Variants in SHLD1 observed in about 807,000 individuals in gnomAD.
SHLD1 encodes RINN1-REV7-interacting novel NHEJ regulator 3.
In SHLD1, 3 loss-of-function variants were observed where a neutral mutation model predicts 5.5. The observed-to-expected ratio is 0.54, with a 90% CI of 0.25 to 1.40. SHLD1 has a LOEUF of 1.40. SHLD1 is among the 40% of genes most tolerant of loss of function. SHLD1 has a pLI of 0.15. For missense variants in SHLD1, 210 were observed against 244.4 expected (o/e 0.86, Z 0.94); for synonymous variants, 92 against 94.3 (o/e 0.98, Z 0.14).
intron 2 of SHLD1, among the ~76,000 whole-genome samples, chr20:5,811,912 C>T (rs183979213): frequency 1.3e-5 from 2 of 151,956 alleles, no homozygotes; most frequent in Admixed American, 1.3e-4. Context: ...CCACCACTGC[C>T]GGCTGTATAA....
intron 2 of SHLD1, among the ~76,000 whole-genome samples, chr20:5,820,761 A>T (rs1304579512): frequency 6.6e-6 from 1 of 152,228 alleles, no homozygotes; most frequent in Admixed American, 6.5e-5. Flanking sequence ...GTCTCCTTTG[A>T]TCTTTTCTCC....
At chr20:5,797,498 G>A (rs2087230181) in intron 2 of SHLD1, among the ~76,000 whole-genome samples, 1 of 152,100 alleles carries the variant, frequency 6.6e-6, no homozygotes, top group Non-Finnish European at 1.5e-5. Context: ...GGAGGTCAAG[G>A]CTGCAAGTGA....
intron 2 of SHLD1, among the ~76,000 whole-genome samples, chr20:5,804,109 G>C (rs2122348863): frequency 6.6e-6 from 1 of 151,512 alleles, no homozygotes; most frequent in African/African-American, 2.4e-5. Flanking sequence ...CCAGGAGTTT[G>C]AGACCAGCCT....
chr20:5,824,219 TG>T (rs751203860), intron 2 of SHLD1, among the ~76,000 whole-genome samples: 4 of 152,224 alleles, frequency 2.6e-5, no homozygotes, highest in African/African-American at 4.8e-5. Context: ...TTGCACTTGC[TG>T]GTCCCTTAGT....
intron 2 of SHLD1, among the ~76,000 whole-genome samples, chr20:5,860,915 G>A (rs1030483626): frequency 1.4e-5 from 2 of 138,912 alleles, no homozygotes; most frequent in Non-Finnish European, 3.1e-5. Flanking sequence ...AAAAAAAGAC[G>A]GGCCTGGGAC....
chr20:5,844,792 TA>T (rs1344195213), intron 2 of SHLD1, among the ~76,000 whole-genome samples: 2,770 of 105,964 alleles, frequency 0.026, 136 homozygotes, highest in African/African-American at 0.12. Flanking sequence ...TATATATATA[TA>T]TATATATTTT....
chr20:5,858,349 C>T (rs1040579144), intron 2 of SHLD1, among the ~76,000 whole-genome samples: 6 of 152,176 alleles, frequency 3.9e-5, no homozygotes, highest in East Asian at 1.9e-4. Flanking sequence ...CATTTATGAA[C>T]CACAGAAATA....
intron 2 of SHLD1, among the ~76,000 whole-genome samples, chr20:5,784,726 A>T (rs2087036905): frequency 6.6e-6 from 1 of 152,234 alleles, no homozygotes; most frequent in South Asian, 2.1e-4. Flanking sequence ...CTGGGATTAC[A>T]GGCGTGAGCC....
rs187933128 is a variant in SHLD1, at chr20:5,795,747, C to T, written c.178+22704C>T. 9.9e-3 allele frequency among the ~76,000 whole-genome samples: 1,499 copies of T among 151,732 alleles called. 22 individuals are homozygous for T. The highest frequency in any genetic ancestry group is 0.034 in the African/African-American group (1,412 of 41,364). ...CTGTAATCCCAGCACTTTGGGAGGC[C>T]GAGGCAGGTGGATCACGAGGTCAGG... is the stretch of plus-strand genomic sequence containing the variant. On this transcript the variant is annotated intron_variant, in intron 2 of 2. Coordinates refer to ENST00000303142, the MANE Select transcript of SHLD1 (RefSeq NM_152504.4).
rs140358264 is a variant in SHLD1 at position 5,802,120 on chromosome 20, T to G, written c.178+29077T>G. ...AAGTTAGAGTCCTGTGAGGGCCTTT[T>G]AAGGAATTTCTCCTGCCCAGGAAGC... On this transcript the variant is annotated intron_variant, in intron 2 of 2. Coordinates refer to ENST00000303142, the MANE Select transcript of SHLD1 (RefSeq NM_152504.4). Among the ~76,000 whole-genome samples the G allele has an allele frequency of 4.0e-3, 610 of 152,352 alleles. 2 individuals are homozygous for G. The highest frequency in any genetic ancestry group is 0.014 in the African/African-American group (577 of 41,578).
At chr20:5,849,961 G>C (rs902199281) in intron 2 of SHLD1, among the ~76,000 whole-genome samples, 2 of 100,926 alleles carry the variant, frequency 2.0e-5, no homozygotes, top group African/African-American at 5.2e-5. Context: ...GCGAGACTCC[G>C]TCTCAAAAAA....
intron 2 of SHLD1, among the ~76,000 whole-genome samples, chr20:5,804,792 A>G (rs367770297): frequency 5.3e-5 from 8 of 152,208 alleles, no homozygotes; most frequent in African/African-American, 1.9e-4. Context: ...GAAAACTTGA[A>G]GTGTTTGAAG....
At chr20:5,839,657 T>G (rs1023636107) in intron 2 of SHLD1, among the ~76,000 whole-genome samples, 2 of 152,222 alleles carry the variant, frequency 1.3e-5, no homozygotes, top group Admixed American at 1.3e-4. Context: ...GCTTATAGAA[T>G]GGTCAGCTTT....
At chr20:5,815,240 C>A (rs2087514150) in intron 2 of SHLD1, among the ~76,000 whole-genome samples, 1 of 152,176 alleles carries the variant, frequency 6.6e-6, no homozygotes, top group Non-Finnish European at 1.5e-5. Context: ...GCCCGGGACT[C>A]ATCTCCAGAA....
At position 5,818,087 on chromosome 20, in the gene SHLD1, TA is replaced by T. The variant is rs750623582; in HGVS notation, c.179-44936del. On this transcript the variant is annotated intron_variant, in intron 2 of 2. Transcript: ENST00000303142. ...TTTTTTTCTTTTTCTTTCTTTTTTT[TA>T]TTTTTTTATTTTTTTTGAGACAGCC... Among the ~76,000 whole-genome samples, 20 of 152,200 alleles carry T rather than the reference TA, an allele frequency of 1.3e-4. No individual in the cohort carries two copies. The East Asian group carries it at 3.5e-3, about 26-fold the overall frequency.
At chr20:5,790,889 G>A (rs556169136) in intron 2 of SHLD1, among the ~76,000 whole-genome samples, 16 of 152,298 alleles carry the variant, frequency 1.1e-4, no homozygotes, top group East Asian at 1.9e-4. Context: ...ATGGCTGAGC[G>A]CGGTGGCTCA....
chr20:5,835,199 A>G (rs13037060), intron 2 of SHLD1, among the ~76,000 whole-genome samples: 8,133 of 152,266 alleles, frequency 0.053, 356 homozygotes, highest in East Asian at 0.22. Flanking sequence ...AGCTGGGAAC[A>G]GACACATTTG....
At chr20:5,835,497 C>T (rs958176684) in intron 2 of SHLD1, among the ~76,000 whole-genome samples, 2 of 152,048 alleles carry the variant, frequency 1.3e-5, no homozygotes, top group African/African-American at 4.8e-5. Flanking sequence ...TGGGGGCTGG[C>T]CAGCTCTACC....
intron 2 of SHLD1, among the ~76,000 whole-genome samples, chr20:5,816,378 C>T (rs546308373): frequency 2.0e-5 from 3 of 152,212 alleles, no homozygotes; most frequent in South Asian, 2.1e-4. Flanking sequence ...TGCGTATATT[C>T]GGGGTTTGCC....
Sources: gnomAD v4.1 joint callset for allele counts (sites outside exome capture counted in the v4.1 genomes callset) on GRCh38, gnomAD v4.1.1 for gene constraint, MANE v1.5 for transcripts, NCBI Gene and HGNC (gene_info 2026-07-23, HGNC 2026-07-21) for gene names.